The following SULF2 variants were observed in gnomAD, a reference collection of about 807,000 sequenced individuals.
SULF2 encodes the protein extracellular sulfatase Sulf-2.
In SULF2, 52 loss-of-function variants were observed where a neutral mutation model predicts 107.7. The ratio of observed to expected loss-of-function variants is 0.48; its 90% CI spans 0.39 to 0.61. SULF2 has a LOEUF of 0.61. Ranked by LOEUF, SULF2 falls within the 20% of genes least tolerant of loss-of-function variation. The pLI is 0.00. For synonymous variants in SULF2, 460 were observed against 464.3 expected (o/e 0.99, Z 0.12); for missense variants, 993 against 1,177.3 (o/e 0.84, Z 2.29).
At chr20:47,757,917 C>T (rs560756051) in intron 1 of SULF2, among the ~76,000 whole-genome samples, 5 of 152,182 alleles carry the variant, frequency 3.3e-5, no homozygotes, top group Middle Eastern at 3.4e-3. Context: ...TCCCCAGCAG[C>T]GGGGGATTCA....
rs576481187 is a variant in SULF2, at chr20:47,667,438, A to G, written c.1577-950T>C. On this transcript the variant is annotated intron_variant, in intron 11 of 20. Coordinates refer to ENST00000688720, the MANE Select transcript of SULF2 (RefSeq NM_001387048.1). ...AGCCTGTATCTTCTATGTCTCAAAA[A>G]CAAATCTGAGTTGGTAACATTAAAG... Among the ~76,000 whole-genome samples, 7 of 152,316 alleles carry G rather than the reference A, an allele frequency of 4.6e-5. No homozygotes were observed. In the East Asian group the frequency reaches 1.4e-3, roughly 29 times the overall value.
intron 5 of SULF2, among the ~76,000 whole-genome samples, chr20:47,687,713 G>GT (rs74178754): frequency 4.0e-3 from 594 of 147,050 alleles, no homozygotes; most frequent in Middle Eastern, 7.2e-3. Context: ...GCATGTGTGT[G>GT]TTTTTTTTTT....
chr20:47,765,371 C>CA (rs11478422), intron 1 of SULF2, among the ~76,000 whole-genome samples: 16,289 of 138,122 alleles, frequency 0.12, 1,221 homozygotes, highest in East Asian at 0.45. Context: ...CAAAACAAAA[C>CA]AAAAAAAAAA....
intron 3 of SULF2, among the ~76,000 whole-genome samples, chr20:47,727,630 G>A (rs1468730215): frequency 6.6e-6 from 1 of 152,126 alleles, no homozygotes; most frequent in East Asian, 1.9e-4. Context: ...CTCTTTCCCC[G>A]TGGCCACTTC....
intron 3 of SULF2, among the ~76,000 whole-genome samples, chr20:47,712,802 G>T (rs1378156128): frequency 1.3e-5 from 2 of 152,198 alleles, no homozygotes; most frequent in Non-Finnish European, 2.9e-5. Context: ...GGGAGGCCAA[G>T]ATGGGCAGAT....
rs762940615 is a variant in SULF2, at chr20:47,677,068, C to G, written c.1250+10G>C. On this transcript the variant is annotated intron_variant, in intron 9 of 20. Coordinates refer to ENST00000688720, the MANE Select transcript of SULF2 (RefSeq NM_001387048.1). The stretch of plus-strand genomic sequence containing the variant: ...GGGCAGGGGTGTCCCTCCCAGGACC[C>G]GGCACTCACCCTCTCTCCACCAAGA... 2.5e-6 allele frequency: 4 copies of G among 1,613,540 alleles called. No homozygotes were observed. Among genetic ancestry groups the G allele is most frequent in the African/African-American group, 1.3e-5 (1 of 74,990 alleles).
At chr20:47,759,333 C>G (rs1600665508) in intron 1 of SULF2, among the ~76,000 whole-genome samples, 1 of 152,228 alleles carries the variant, frequency 6.6e-6, no homozygotes, top group Non-Finnish European at 1.5e-5. Flanking sequence ...CTACTGGCTT[C>G]TTTCTGTCGA....
chr20:47,782,807 C>T (rs1194945455), intron 1 of SULF2, among the ~76,000 whole-genome samples: 1 of 152,206 alleles, frequency 6.6e-6, no homozygotes, highest in Non-Finnish European at 1.5e-5. Flanking sequence ...ACCTCAAATA[C>T]AAACCCGGAC....
chr20:47,767,196 C>T (rs189864520), intron 1 of SULF2, among the ~76,000 whole-genome samples: 2 of 152,312 alleles, frequency 1.3e-5, no homozygotes, highest in East Asian at 3.9e-4. Flanking sequence ...GTGAGGACAC[C>T]TACAAGCACT....
chr20:47,700,215 A>G (rs887653265), intron 4 of SULF2, among the ~76,000 whole-genome samples: 16 of 152,226 alleles, frequency 1.1e-4, no homozygotes, highest in Non-Finnish European at 1.3e-4. Context: ...GCCAGGGGTC[A>G]GCAAACTACA....
intron 3 of SULF2, among the ~76,000 whole-genome samples, chr20:47,727,827 G>C (rs1177699356): frequency 6.6e-6 from 1 of 152,204 alleles, no homozygotes. Context: ...CGCTTAAGGC[G>C]GAGTCTAATT....
In SULF2 at chr20:47,774,956, G is replaced by A. The variant is rs78738318; in HGVS notation, c.-101+10387C>T. 3.8e-3 allele frequency among the ~76,000 whole-genome samples: 585 copies of A among 152,282 alleles called. 3 individuals carry two copies. Among genetic ancestry groups the A allele is most frequent in the African/African-American group, 0.013 (552 of 41,546 alleles). On this transcript the variant is annotated intron_variant, in intron 1 of 20. Transcript: ENST00000688720. ...TCAGGAGGCTGCTAGTAACTCCTGC[G>A]CCAAGGTCCCCAGAATTTCCTCAGT... is the stretch of plus-strand genomic sequence containing the variant.
intron 9 of SULF2, among the ~76,000 whole-genome samples, chr20:47,676,866 C>T (rs1001869408): frequency 3.3e-5 from 5 of 152,250 alleles, no homozygotes; most frequent in African/African-American, 9.6e-5. Flanking sequence ...ATTGTAGAGG[C>T]TGGACAAAGC....
intron 10 of SULF2, among the ~76,000 whole-genome samples, chr20:47,675,353 G>T (rs563503823): frequency 1.3e-5 from 2 of 152,144 alleles, no homozygotes; most frequent in South Asian, 4.2e-4. Context: ...CCTGGCAAGC[G>T]GGGGGACGCA....
intron 1 of SULF2, among the ~76,000 whole-genome samples, chr20:47,764,140 C>T (rs141483725): frequency 6.6e-6 from 1 of 152,074 alleles, no homozygotes; most frequent in African/African-American, 2.4e-5. Flanking sequence ...TCTTCCCCCT[C>T]CTCAGGTCTT....
chr20:47,661,548 G>T, intron 18 of SULF2: 1 of 381,126 alleles, frequency 2.6e-6, no homozygotes. Flanking sequence ...ACGGAATTCC[G>T]TGTGTTTCCT....
At chr20:47,698,769 C>T (rs1408683677) in intron 4 of SULF2, among the ~76,000 whole-genome samples, 1 of 152,132 alleles carries the variant, frequency 6.6e-6, no homozygotes. Context: ...CCATGGCTCA[C>T]ACCTGTAATC....
rs1164284769 is a variant in SULF2 at position 47,663,078 on chromosome 20, G to A, written c.2362C>T (p.Pro788Ser). ...GCTCGGGTTGCCTGTACCTGGTAGG[G>A]GTCTGTGTTGAGATCAAAGTACTCT... is the stretch of plus-strand genomic sequence containing the variant. ...FLEYFDLNTD[P>S]YQLMNAVNTL... Residue 788 changes from proline (P) to serine (S), a missense_variant, in exon 17 of 21, where the codon CCC (proline) becomes TCC (serine). Physicochemically the swap from Pro to Ser is moderately conservative, Grantham distance 74. Transcript: ENST00000688720. 1.9e-6 allele frequency: 3 copies of A among 1,613,974 alleles called. No individual in the cohort carries two copies. Among genetic ancestry groups the A allele is most frequent in the Admixed American group, 3.3e-5 (2 of 60,000 alleles).
At chr20:47,664,853 T>C (rs555274608) in intron 14 of SULF2, among the ~76,000 whole-genome samples, 2 of 152,370 alleles carry the variant, frequency 1.3e-5, no homozygotes, top group African/African-American at 4.8e-5. Flanking sequence ...TTCAGTCCTT[T>C]GGGCCAGGGG....
Sources: allele counts gnomAD v4.1 joint callset (sites outside exome capture counted in the v4.1 genomes callset), GRCh38; gene constraint gnomAD v4.1.1; transcripts MANE v1.5; gene names NCBI Gene and HGNC (gene_info 2026-07-23, HGNC 2026-07-21).